Variants in HSD17B12 observed in about 807,000 individuals in gnomAD.
HSD17B12 encodes the protein very-long-chain 3-oxoacyl-CoA reductase.
A neutral mutation model predicts 39.3 loss-of-function variants in HSD17B12; 32 were observed. The observed-to-expected ratio is 0.81, with a 90% CI of 0.61 to 1.09. The LOEUF (loss-of-function observed/expected upper bound fraction) is 1.09. Among genes scored for constraint, HSD17B12 ranks in the 50% least tolerant of loss-of-function variants. The pLI is 0.00. For missense variants in HSD17B12, 342 were observed against 382.9 expected (o/e 0.89, Z 0.89); for synonymous variants, 150 against 146.7 (o/e 1.02, Z -0.16).
In HSD17B12 at chr11:43,838,429, A is replaced by G. The variant is rs1036821017; in HGVS notation, c.618+31A>G. 3.4e-6 allele frequency: 5 copies of G among 1,481,750 alleles called. No individual in the cohort carries two copies. The African/African-American group carries it at 5.5e-5, about 16-fold the overall frequency. 91.8% of individuals were successfully genotyped at this position (1,481,750 alleles called of 1,614,324 possible). Reference sequence around the variant, plus strand: ...AAATATTTTCTTAAATCATGTCAATATAGTAATAAGGGGTAATTTTTAGTC... The same window carrying G: ...AAATATTTTCTTAAATCATGTCAATGTAGTAATAAGGGGTAATTTTTAGTC... On this transcript the variant is annotated intron_variant, in intron 8 of 10. Transcript: ENST00000278353.
At position 43,798,335 on chromosome 11, in the gene HSD17B12, T is replaced by G. The variant is rs1377572082; in HGVS notation, c.299T>G (p.Val100Gly). 5 of 1,608,726 alleles carry G rather than the reference T, an allele frequency of 3.1e-6. No homozygotes were observed. In the Admixed American group the frequency reaches 5.0e-5, roughly 16 times the overall value. Residue 100 changes from valine to glycine, a missense_variant, in exon 4 of 11, where the codon GTG becomes GGG. By Grantham distance (109) the Val-to-Gly change is moderately radical (BLOSUM62 -3). Coordinates refer to ENST00000278353, the MANE Select transcript of HSD17B12 (RefSeq NM_016142.3). ...VSSEIKEKFKVETRTIAVDFA... is the reference protein window; with the variant it reads ...VSSEIKEKFKGETRTIAVDFA... ...TTTTCCCTAGAAGAAAAATTCAAAG[T>G]GGAGACAAGAACCATTGCTGTTGAC...
upstream of HSD17B12, among the ~76,000 whole-genome samples, chr11:43,677,590 A>AC (rs921396929): frequency 1.5e-5 from 2 of 132,702 alleles, no homozygotes; most frequent in African/African-American, 2.8e-5. Context: ...ATTCCTCCCC[A>AC]CCCCCCCACC....
intron 3 of HSD17B12, among the ~76,000 whole-genome samples, chr11:43,784,479 A>C (rs1950797801): frequency 1.3e-5 from 2 of 151,738 alleles, no homozygotes; most frequent in South Asian, 4.2e-4. Context: ...CAGCAGGAGA[A>C]ATGGTGGTCT....
chr11:43,573,971 C>G, the HSD17B12 span, among the ~76,000 whole-genome samples: 1 of 152,210 alleles, frequency 6.6e-6, no homozygotes, highest in Admixed American at 6.5e-5. Flanking sequence ...AGGGCCGCCT[C>G]CCTCTCATTG....
At chr11:43,726,004 A>G (rs115337279) in intron 1 of HSD17B12, among the ~76,000 whole-genome samples, 1 of 152,144 alleles carries the variant, frequency 6.6e-6, no homozygotes, top group East Asian at 1.9e-4. Context: ...TCATGTTGTT[A>G]TTTTCACTTT....
the HSD17B12 span, among the ~76,000 whole-genome samples, chr11:43,665,202 G>A: frequency 6.6e-6 from 1 of 152,152 alleles, no homozygotes; most frequent in East Asian, 1.9e-4. Flanking sequence ...TCTTGACAAA[G>A]GTTGTTTTTC....
At chr11:43,620,612 T>C in the HSD17B12 span, among the ~76,000 whole-genome samples, 2 of 152,186 alleles carry the variant, frequency 1.3e-5, no homozygotes, top group African/African-American at 4.8e-5. Flanking sequence ...CGGAGCTTAC[T>C]AGTTCTGTGT....
intron 1 of HSD17B12, among the ~76,000 whole-genome samples, chr11:43,741,983 C>A (rs1266002837): frequency 2.0e-5 from 3 of 150,274 alleles, no homozygotes; most frequent in Non-Finnish European, 4.4e-5. Context: ...ATCTGCCTGC[C>A]TCGGCCTCCC....
chr11:43,695,642 G>T (rs1404886083), intron 1 of HSD17B12, among the ~76,000 whole-genome samples: 1 of 151,740 alleles, frequency 6.6e-6, no homozygotes, highest in African/African-American at 2.4e-5. Context: ...TCTTAAAGAG[G>T]CAATAGACTG....
chr11:43,584,439 C>G, the HSD17B12 span: 2 of 152,382 alleles, frequency 1.3e-5, no homozygotes, highest in Non-Finnish European at 2.9e-5. Flanking sequence ...TGCCCCCTAC[C>G]CTTTTCCTTT....
chr11:43,644,316 C>T, the HSD17B12 span: 1 of 152,164 alleles, frequency 6.6e-6, no homozygotes, highest in Non-Finnish European at 1.5e-5. Flanking sequence ...GCTGTCGGTC[C>T]CGTTAGAAGG....
At chr11:43,761,631 T>C (rs975412544) in intron 3 of HSD17B12, among the ~76,000 whole-genome samples, 1 of 152,242 alleles carries the variant, frequency 6.6e-6, no homozygotes, top group Non-Finnish European at 1.5e-5. Context: ...GTCTGGAAGA[T>C]CTAAGATGGC....
At chr11:43,762,720 C>T (rs1247414414) in intron 3 of HSD17B12, among the ~76,000 whole-genome samples, 1 of 152,140 alleles carries the variant, frequency 6.6e-6, no homozygotes, top group African/African-American at 2.4e-5. Flanking sequence ...ATTGATACCT[C>T]CAGAGACTTT....
intron 4 of HSD17B12, among the ~76,000 whole-genome samples, chr11:43,813,111 G>T (rs1472129559): frequency 6.6e-6 from 1 of 152,152 alleles, no homozygotes; most frequent in Non-Finnish European, 1.5e-5. Flanking sequence ...AAAGTGCTGG[G>T]ATTACAGGCG....
At chr11:43,693,583 A>G (rs1393398481) in intron 1 of HSD17B12, among the ~76,000 whole-genome samples, 1 of 152,204 alleles carries the variant, frequency 6.6e-6, no homozygotes, top group African/African-American at 2.4e-5. Context: ...AGCTGTGCTT[A>G]TATCCCAAAC....
chr11:43,571,878 G>A, the HSD17B12 span, among the ~76,000 whole-genome samples: 3 of 152,180 alleles, frequency 2.0e-5, no homozygotes, highest in Non-Finnish European at 2.9e-5. Context: ...TTAACAAGGG[G>A]AGGGGATCTT....
At chr11:43,573,960 C>G in the HSD17B12 span, among the ~76,000 whole-genome samples, 2 of 152,216 alleles carry the variant, frequency 1.3e-5, no homozygotes, top group Non-Finnish European at 2.9e-5. Flanking sequence ...GTGCAAGAAC[C>G]AGGGCCGCCT....
chr11:43,811,402 C>T (rs1951072183), intron 4 of HSD17B12, among the ~76,000 whole-genome samples: 1 of 152,112 alleles, frequency 6.6e-6, no homozygotes, highest in South Asian at 2.1e-4. Context: ...GGACAAATCG[C>T]CATTGTGACC....
intron 3 of HSD17B12, among the ~76,000 whole-genome samples, chr11:43,757,650 A>C (rs1274703469): frequency 7.1e-6 from 1 of 141,776 alleles, no homozygotes; most frequent in Non-Finnish European, 1.5e-5. Context: ...AAAAAAAAAA[A>C]AAAAAAAAAA....
Sources: allele counts gnomAD v4.1 joint callset (sites outside exome capture counted in the v4.1 genomes callset), GRCh38; gene constraint gnomAD v4.1.1; transcripts MANE v1.5; gene names NCBI Gene and HGNC (gene_info 2026-07-23, HGNC 2026-07-21).